Variants in NPL observed in about 807,000 individuals in gnomAD.
NPL encodes N-acetylneuraminate lyase.
Under a neutral mutation model 41.1 loss-of-function variants are expected in NPL, and 32 were observed. The observed-to-expected ratio is 0.78, with a 90% CI of 0.59 to 1.05. The LOEUF (loss-of-function observed/expected upper bound fraction) is 1.05. NPL is among the 50% of genes least tolerant of loss of function. NPL has a pLI of 0.00. For synonymous variants in NPL, 128 were observed against 134.9 expected (o/e 0.95, Z 0.35); for missense variants, 321 against 378.4 (o/e 0.85, Z 1.26).
chr1:182,828,766 CTG>C lies in NPL; in HGVS notation c.822_823del (p.Gly275AspfsTer19). On this transcript the variant is annotated frameshift_variant, in exon 13 of 13. Coordinates refer to ENST00000367553, the MANE Select transcript of NPL (RefSeq NM_030769.3). LOFTEE classifies it high-confidence loss of function. This position sits in a 1 kb window ranked among gnomAD's most constrained non-coding sequence, Gnocchi z 4.0. ...ACCAAAGCCATCATGACTCTGGTCT[CTG>C]GGATTCCAATGGGCCCACCCCGGCT... 1 of 1,614,160 alleles carries C rather than the reference CTG, an allele frequency of 6.2e-7. No homozygotes were observed. Among genetic ancestry groups the C allele is most frequent in the Non-Finnish European group, 8.5e-7 (1 of 1,180,028 alleles).
At chr1:182,814,967 G>A in intron 7 of NPL, 109 bp downstream of exon 7, 1 of 854,712 alleles carries the variant, frequency 1.2e-6, no homozygotes, top group Non-Finnish European at 1.9e-6. Flanking sequence ...TAGATTGGAG[G>A]CTTGAAGTCG....
Position 182,829,616 on chromosome 1 carries a change from CAA to C in NPL, c.*710_*711del, listed in dbSNP as rs1327616731. The C allele has an allele frequency of 1.7e-5, 26 of 1,550,316 alleles. No individual in the cohort carries two copies. Among genetic ancestry groups the C allele is most frequent in the Admixed American group, 7.8e-5 (4 of 50,992 alleles). On this transcript the variant is annotated 3_prime_UTR_variant, in exon 13 of 13. Coordinates refer to ENST00000367553, the MANE Select transcript of NPL (RefSeq NM_030769.3). ...TTTTCTATACAGAAAACTCAAAACT[CAA>C]AGTTTCAAAGAACCAAAGGACTCTT...
chr1:182,806,658 T>G, intron 5 of NPL: 1 of 1,079,130 alleles, frequency 9.3e-7, no homozygotes, highest in Non-Finnish European at 1.3e-6. Flanking sequence ...GACAGGTCTC[T>G]GTGCATCCAA....
chr1:182,819,154 T>C (rs1302811257), intron 10 of NPL, among the ~76,000 whole-genome samples: 2 of 152,082 alleles, frequency 1.3e-5, no homozygotes, highest in African/African-American at 2.4e-5. Flanking sequence ...ACCCCATCTC[T>C]ACTAAAAATG....
Position 182,806,405 on chromosome 1 carries a change from C to T in NPL, c.230+173C>T, listed in dbSNP as rs757644089. ...CTGGCTTCTTGGAGAAGAGCCCCCT[C>T]CCTTTCTGTGCAGAAGGGCAGCCAA... On this transcript the variant is annotated intron_variant, in intron 5 of 12. Transcript: ENST00000367553. 7 of 1,541,188 alleles carry T rather than the reference C, an allele frequency of 4.5e-6. No individual in the cohort carries two copies. The South Asian group carries it at 8.3e-5, about 18-fold the overall frequency.
In NPL at chr1:182,829,456, G is replaced by A. The variant is rs1389291980; in HGVS notation, c.*548G>A. On this transcript the variant is annotated 3_prime_UTR_variant, in exon 13 of 13. Coordinates refer to ENST00000367553, the MANE Select transcript of NPL (RefSeq NM_030769.3). ...GAATGGATGCTTTTGAATTCATTTC[G>A]ATGTCACCACTTTTCGCTCTTTAAA... The A allele has an allele frequency of 1.6e-5, 23 of 1,437,752 alleles. No individual in the cohort carries two copies. The East Asian group carries it at 4.1e-4, about 26-fold the overall frequency. The allele number at this position is 1,437,752 out of a possible 1,614,324, so 89.1% of individuals were successfully genotyped here.
chr1:182,799,064 C>G (rs1666758180), intron 3 of NPL, among the ~76,000 whole-genome samples: 1 of 152,322 alleles, frequency 6.6e-6, no homozygotes, highest in Non-Finnish European at 1.5e-5. Context: ...GAAAGTCTTT[C>G]ATGGTGGTTC....
intron 5 of NPL, among the ~76,000 whole-genome samples, chr1:182,807,603 A>G (rs889462608): frequency 1.5e-4 from 22 of 151,494 alleles, no homozygotes; most frequent in Non-Finnish European, 2.4e-4. Flanking sequence ...CTGGCCGGGC[A>G]TGGTGGCTCA....
intron 10 of NPL, 140 bp from the exon 11 acceptor site, chr1:182,821,975 C>G: frequency 1.4e-6 from 1 of 707,016 alleles, no homozygotes; most frequent in East Asian, 2.7e-5. Flanking sequence ...ACAGTCTTGT[C>G]CCCTAATAGA....
intron 10 of NPL, among the ~76,000 whole-genome samples, chr1:182,820,199 A>G (rs1273749390): frequency 6.6e-6 from 1 of 152,256 alleles, no homozygotes; most frequent in South Asian, 2.1e-4. Context: ...ATGTGGCCCA[A>G]TGCCTACTTA....
In NPL at chr1:182,819,465, G is replaced by A. The variant is rs1281619745; in HGVS notation, c.653+606G>A. ...CCATCTCAAAAAAAAAAAAAAATTAGCCAGGCGTGGTGGCAGGCACCTGTA... is the reference window on the plus strand; with the variant it reads ...CCATCTCAAAAAAAAAAAAAAATTAACCAGGCGTGGTGGCAGGCACCTGTA... On this transcript the variant is annotated intron_variant, in intron 10 of 12. Coordinates refer to ENST00000367553, the MANE Select transcript of NPL (RefSeq NM_030769.3). 4.0e-5 allele frequency among the ~76,000 whole-genome samples: 6 copies of A among 151,270 alleles called. No individual in the cohort carries two copies. In the East Asian group the frequency reaches 1.2e-3, roughly 29 times the overall value.
At chr1:182,790,942 C>T (rs1462322581) in intron 1 of NPL, among the ~76,000 whole-genome samples, 1 of 152,196 alleles carries the variant, frequency 6.6e-6, no homozygotes, top group Non-Finnish European at 1.5e-5. Context: ...CGCGCCCGGC[C>T]AAAGTCGTTT....
rs115966362 is a variant in NPL at position 182,829,479 on chromosome 1, A to G, written c.*571A>G. 6,343 of 1,466,044 alleles carry G rather than the reference A, an allele frequency of 4.3e-3. 124 individuals are homozygous for G. The African/African-American group carries it at 0.058, about 13-fold the overall frequency. 90.8% of individuals were successfully genotyped at this position (1,466,044 alleles called of 1,614,324 possible). A position where few individuals can be genotyped will look rare whatever the true frequency, so the allele number is the denominator to read the frequency against. ...TCGATGTCACCACTTTTCGCTCTTT[A>G]AAAACACTGGGTCAGGTGAGGACTT... is the stretch of plus-strand genomic sequence containing the variant. On this transcript the variant is annotated 3_prime_UTR_variant, in exon 13 of 13. Transcript: ENST00000367553.
At chr1:182,799,156 G>GT (rs1474868698) in intron 3 of NPL, among the ~76,000 whole-genome samples, 2 of 152,172 alleles carry the variant, frequency 1.3e-5, no homozygotes, top group Non-Finnish European at 2.9e-5. Flanking sequence ...CCCTTTTACC[G>GT]TAAGAGAAGA....
intron 7 of NPL, among the ~76,000 whole-genome samples, chr1:182,815,880 G>A (rs540145870): frequency 2.6e-5 from 4 of 152,328 alleles, no homozygotes; most frequent in South Asian, 2.1e-4. Flanking sequence ...TGGGATTACA[G>A]GCATGAGCCA....
At chr1:182,791,137 T>C (rs1666504042) in intron 1 of NPL, 2 of 152,234 alleles carry the variant, frequency 1.3e-5, no homozygotes, top group South Asian at 4.1e-4. Flanking sequence ...GAAAAGCCAC[T>C]GTTTGGGGGA....
intron 3 of NPL, among the ~76,000 whole-genome samples, chr1:182,796,670 A>C (rs2102528322): frequency 6.6e-6 from 1 of 152,256 alleles, no homozygotes; most frequent in South Asian, 2.1e-4. Context: ...TCTTAGTGAA[A>C]TGATGTGAGT....
At chr1:182,793,779 A>C (rs1666580726) in intron 2 of NPL, among the ~76,000 whole-genome samples, 1 of 152,200 alleles carries the variant, frequency 6.6e-6, no homozygotes, top group Admixed American at 6.5e-5. Flanking sequence ...CCCTTTTATG[A>C]CCATATTTCA....
chr1:182,798,693 G>T (rs1196148805), intron 3 of NPL, among the ~76,000 whole-genome samples: 2 of 152,122 alleles, frequency 1.3e-5, no homozygotes, highest in African/African-American at 4.8e-5. Context: ...AATACCCTCT[G>T]GTAAAAACAA....
Sources: gnomAD v4.1 joint callset for allele counts (sites outside exome capture counted in the v4.1 genomes callset) on GRCh38, gnomAD v4.1.1 for gene constraint, Gnocchi (gnomAD v3.1) non-coding constraint, MANE v1.5 for transcripts, NCBI Gene and HGNC (gene_info 2026-07-23, HGNC 2026-07-21) for gene names.